The following ZC3H3 variants were observed in gnomAD, a reference collection of about 807,000 sequenced individuals.
ZC3H3 encodes the protein zinc finger CCCH domain-containing protein 3.
ZC3H3 carries 36 observed loss-of-function variants against 77.3 expected under a neutral mutation model. That is an observed-to-expected ratio of 0.47 (90% CI 0.36 to 0.61). The LOEUF (loss-of-function observed/expected upper bound fraction) is 0.61, where lower values mean the gene tolerates loss of function less well. ZC3H3 is among the 20% of genes least tolerant of loss of function. The pLI, the probability that ZC3H3 is intolerant of heterozygous loss-of-function variation, is 0.00. For synonymous variants in ZC3H3, 626 were observed against 555.2 expected (o/e 1.13, Z -1.79); for missense variants, 1,331 against 1,312.2 (o/e 1.01, Z -0.22).
intron 9 of ZC3H3, among the ~76,000 whole-genome samples, chr8:143,441,757 G>A (rs369882746): frequency 2.0e-5 from 3 of 152,164 alleles, no homozygotes; most frequent in East Asian, 3.9e-4. Context: ...GGCCCAGCCT[G>A]GCCTGTGGTG....
At chr8:143,488,789 G>C (rs1000234521) in intron 4 of ZC3H3, among the ~76,000 whole-genome samples, 1 of 152,236 alleles carries the variant, frequency 6.6e-6, no homozygotes, top group South Asian at 2.1e-4. Flanking sequence ...GAAATTCAAA[G>C]CGAGGAAAAT....
intron 5 of ZC3H3, among the ~76,000 whole-genome samples, chr8:143,473,323 C>T (rs1292531186): frequency 7.9e-5 from 12 of 152,156 alleles, no homozygotes; most frequent in South Asian, 2.1e-4. Context: ...CCCTTCTGGG[C>T]CCTCTCAGTT....
Position 143,530,921 on chromosome 8 carries a change from G to A in ZC3H3, c.1561+5336C>T, listed in dbSNP as rs149317834. On this transcript the variant is annotated intron_variant, in intron 3 of 11. Transcript: ENST00000262577. The surrounding 1 kb of genome is among the most constrained non-coding windows in gnomAD (Gnocchi z 4.3). ...CTGCAGCCTCCAGCAAACATTACTC[G>A]CCCAGGCCACCCTTCTGGGGCTGTC... 6.0e-4 allele frequency among the ~76,000 whole-genome samples: 89 copies of A among 148,766 alleles called. 1 individual carries two copies. Among genetic ancestry groups the A allele is most frequent in the African/African-American group, 2.0e-3 (80 of 40,270 alleles).
chr8:143,448,490 G>A lies in ZC3H3; in HGVS notation c.2308-7370C>T, dbSNP rs558293500. The stretch of plus-strand genomic sequence containing the variant: ...TGCAAGTTCAAAACACAGCAACGCA[G>A]TCATTAAATCTTAAAGCTCCAAAAT... On this transcript the variant is annotated intron_variant, in intron 9 of 11. Transcript: ENST00000262577. Among the ~76,000 whole-genome samples the A allele has an allele frequency of 2.0e-5, 3 of 152,346 alleles. 1 individual carries two copies. The highest frequency in any genetic ancestry group is 4.1e-4 in the South Asian group (2 of 4,828).
chr8:143,495,809 C>A (rs1259089150), intron 4 of ZC3H3, among the ~76,000 whole-genome samples: 1 of 149,758 alleles, frequency 6.7e-6, no homozygotes, highest in African/African-American at 2.5e-5. Flanking sequence ...CACTATGTTG[C>A]CCGAGCTGGT....
chr8:143,440,322 C>T lies in ZC3H3; in HGVS notation c.2534G>A (p.Ser845Asn). Residue 845 changes from serine to asparagine, a missense_variant, in exon 11 of 12, where the codon AGC becomes AAC. This residue lies in a region of ZC3H3 where 249 missense variants were observed against 236.9 expected (regional missense o/e 1.05). Coordinates refer to ENST00000262577, the MANE Select transcript of ZC3H3 (RefSeq NM_015117.3). ...GGCAGCCGCAGTGAGGGCAGCCGAG[C>T]TGGGCGTCTGCCTGGTGGGGCGCTG... The part of the protein sequence containing the change: ...ASQRPTRQTP[S>N]SAALTAAAVA... The T allele has an allele frequency of 1.3e-6, 2 of 1,547,012 alleles. No individual in the cohort carries two copies. The highest frequency in any genetic ancestry group is 1.4e-5 in the African/African-American group (1 of 73,818).
In ZC3H3 at chr8:143,533,685, C is replaced by CTTTT. The variant is rs1244995181; in HGVS notation, c.1561+2568_1561+2571dup. On this transcript the variant is annotated intron_variant, in intron 3 of 11. Transcript: ENST00000262577. The surrounding 1 kb of genome is among the most constrained non-coding windows in gnomAD (Gnocchi z 4.0). ...CACTCCATGCAGCCGCCACGCTGGTCTTTTTTTTTTTTTTTTTTTGAGACA... is the reference window on the plus strand; with the variant it reads ...CACTCCATGCAGCCGCCACGCTGGTCTTTTTTTTTTTTTTTTTTTTTTTGAGACA... Among the ~76,000 whole-genome samples the CTTTT allele has an allele frequency of 7.8e-6, 1 of 128,724 alleles. No individual in the cohort carries two copies. Among genetic ancestry groups the CTTTT allele is most frequent in the Non-Finnish European group, 1.6e-5 (1 of 60,724 alleles). The allele number at this position is 128,724 out of a possible 152,430, so 84.4% of individuals were successfully genotyped here. A position where few individuals can be genotyped will look rare whatever the true frequency, so the allele number is the denominator to read the frequency against.
At chr8:143,488,710 A>G (rs1387497582) in intron 4 of ZC3H3, among the ~76,000 whole-genome samples, 1 of 152,240 alleles carries the variant, frequency 6.6e-6, no homozygotes, top group Admixed American at 6.5e-5. Flanking sequence ...GCACATCAAT[A>G]CATGAAATCT....
At chr8:143,461,266 C>A (rs143454885) in intron 9 of ZC3H3, among the ~76,000 whole-genome samples, 1 of 152,284 alleles carries the variant, frequency 6.6e-6, no homozygotes, top group East Asian at 1.9e-4. Flanking sequence ...CTCTGCGCAT[C>A]CAGGCCATCA....
At chr8:143,476,196 C>T (rs1409356141) in intron 4 of ZC3H3, among the ~76,000 whole-genome samples, 1 of 152,194 alleles carries the variant, frequency 6.6e-6, no homozygotes, top group Non-Finnish European at 1.5e-5. Flanking sequence ...GCCTCTTCTC[C>T]TCCTCCACCC....
intron 4 of ZC3H3, among the ~76,000 whole-genome samples, chr8:143,482,831 G>T (rs542261770): frequency 6.6e-6 from 1 of 152,220 alleles, no homozygotes; most frequent in Non-Finnish European, 1.5e-5. Context: ...TATGGTGACA[G>T]CAGGAGAGGC....
At chr8:143,485,809 C>T (rs1413619886) in intron 4 of ZC3H3, among the ~76,000 whole-genome samples, 1 of 152,242 alleles carries the variant, frequency 6.6e-6, no homozygotes, top group Non-Finnish European at 1.5e-5. Context: ...CAAAGAGGCC[C>T]TTTACAGTAA....
At chr8:143,465,183 C>T (rs923356273) in intron 9 of ZC3H3, among the ~76,000 whole-genome samples, 2 of 152,098 alleles carry the variant, frequency 1.3e-5, no homozygotes, top group African/African-American at 2.4e-5. Context: ...AGTGGTGCCC[C>T]GCAATGAGCT....
chr8:143,526,861 C>G (rs1255932426), intron 3 of ZC3H3, among the ~76,000 whole-genome samples: 1 of 152,218 alleles, frequency 6.6e-6, no homozygotes, highest in Admixed American at 6.5e-5. Flanking sequence ...CTGAGGCTGG[C>G]AGAGCCATGC....
rs750308711 is a variant in ZC3H3, at chr8:143,541,389, G to A, written c.33C>T (p.Ile11=). 25 of 1,611,782 alleles carry A rather than the reference G, an allele frequency of 1.6e-5. No individual in the cohort carries two copies. In the South Asian group the frequency reaches 2.6e-4, roughly 17 times the overall value. MEEKEILRRQ[I]RLLQGLIDDY... ...GGCCGGACCTACCCTGCAGTAGGCG[G>A]ATCTGCCGCCGTAATATCTCCTTTT... The change falls in exon 1 of 12, where the codon ATC becomes ATT. Residue 11 remains isoleucine (I), a synonymous_variant. Coordinates refer to ENST00000262577, the MANE Select transcript of ZC3H3 (RefSeq NM_015117.3).
rs894163158 is a variant in ZC3H3 at position 143,474,466 on chromosome 8, C to T, written c.1903+932G>A. Among the ~76,000 whole-genome samples the T allele has an allele frequency of 7.9e-5, 12 of 152,344 alleles. No individual in the cohort carries two copies. In the East Asian group the frequency reaches 1.5e-3, roughly 20 times the overall value. On this transcript the variant is annotated intron_variant, in intron 5 of 11. Transcript: ENST00000262577. ...GCCAGGGCCCCCGTGCTGCTCCCAG[C>T]GACTCTGCCCAGGAAACAGCCCAGA...
chr8:143,461,733 T>C (rs1197279262), intron 9 of ZC3H3, among the ~76,000 whole-genome samples: 3 of 151,656 alleles, frequency 2.0e-5, no homozygotes, highest in Non-Finnish European at 4.4e-5. Flanking sequence ...CAAACAACCA[T>C]GTACTGTATG....
At chr8:143,457,091 G>C (rs1263880236) in intron 9 of ZC3H3, among the ~76,000 whole-genome samples, 2 of 152,100 alleles carry the variant, frequency 1.3e-5, no homozygotes, top group Non-Finnish European at 2.9e-5. Context: ...CCTTTAACTA[G>C]CAAGCTCTAT....
chr8:143,441,151 C>A (rs1292377327), intron 9 of ZC3H3, 31 bp from the exon 10 acceptor site: 1 of 1,381,190 alleles, frequency 7.2e-7, no homozygotes, highest in Non-Finnish European at 9.3e-7. Flanking sequence ...GGTGGGTGGG[C>A]CGGCTGGAGG....
Sources: gnomAD v4.1 joint callset for allele counts (sites outside exome capture counted in the v4.1 genomes callset) on GRCh38, gnomAD v4.1.1 for gene constraint, gnomAD v4.1.1 regional missense constraint, Gnocchi (gnomAD v3.1) non-coding constraint, MANE v1.5 for transcripts, NCBI Gene and HGNC (gene_info 2026-07-23, HGNC 2026-07-21) for gene names.